The following PTPRD variants were observed in gnomAD, a reference collection of about 807,000 sequenced individuals.
PTPRD encodes the protein receptor-type tyrosine-protein phosphatase delta.
Under a neutral mutation model 214.5 loss-of-function variants are expected in PTPRD, and 34 were observed. That is an observed-to-expected ratio of 0.16 (90% CI 0.12 to 0.21). The LOEUF (loss-of-function observed/expected upper bound fraction) is 0.21, where lower values mean the gene tolerates loss of function less well. Ranked by LOEUF, PTPRD falls within the 10% of genes least tolerant of loss-of-function variation. PTPRD has a pLI of 1.00. For synonymous variants in PTPRD, 1,128 were observed against 845.7 expected (o/e 1.33, Z -5.79); for missense variants, 2,545 against 2,398.7 (o/e 1.06, Z -1.27).
chr9:10,532,406 A>C (rs1590200319), intron 2 of PTPRD: 1 of 151,696 alleles, frequency 6.6e-6, no homozygotes, highest in South Asian at 2.1e-4. Context: ...TTCAAATACA[A>C]AAAATGAACA....
intron 11 of PTPRD, among the ~76,000 whole-genome samples, chr9:8,947,984 G>C (rs555033769): frequency 6.7e-6 from 1 of 149,648 alleles, no homozygotes; most frequent in African/African-American, 2.5e-5. Flanking sequence ...AGTAAGTTAT[G>C]TCCAGACCTT....
At chr9:8,872,236 A>G (rs2154208634) in intron 11 of PTPRD, among the ~76,000 whole-genome samples, 1 of 152,286 alleles carries the variant, frequency 6.6e-6, no homozygotes, top group Non-Finnish European at 1.5e-5. Context: ...AGGTGCCAAC[A>G]AGGAGCCTGT....
At chr9:10,201,069 A>C (rs1296664727) in intron 3 of PTPRD, among the ~76,000 whole-genome samples, 1 of 152,042 alleles carries the variant, frequency 6.6e-6, no homozygotes, top group Non-Finnish European at 1.5e-5. Flanking sequence ...ATAGCCTTGG[A>C]GTTACAAAAT....
chr9:10,356,159 G>A (rs1362632178), intron 2 of PTPRD, among the ~76,000 whole-genome samples: 3 of 149,518 alleles, frequency 2.0e-5, no homozygotes, highest in Admixed American at 6.7e-5. Flanking sequence ...ACCAAGCTCT[G>A]AACTGCCTGG....
intron 26 of PTPRD, 107 bp from the exon 27 acceptor site, chr9:8,493,086 C>T (rs1591921090): frequency 5.6e-6 from 5 of 898,890 alleles, no homozygotes; most frequent in Non-Finnish European, 8.9e-6. Flanking sequence ...ACATCCCTTG[C>T]AGCCATGCTA....
At chr9:8,359,062 T>G (rs1313069335) in intron 39 of PTPRD, among the ~76,000 whole-genome samples, 2 of 119,354 alleles carry the variant, frequency 1.7e-5, no homozygotes, top group Non-Finnish European at 3.2e-5. Context: ...GAGCCGAGAT[T>G]GCACCACTGC....
At chr9:10,310,706 T>C (rs2096245160) in intron 3 of PTPRD, among the ~76,000 whole-genome samples, 1 of 152,118 alleles carries the variant, frequency 6.6e-6, no homozygotes, top group East Asian at 1.9e-4. Context: ...TCTCCTTTTG[T>C]TGATAAGCCT....
At chr9:10,230,158 T>A (rs1564663882) in intron 3 of PTPRD, among the ~76,000 whole-genome samples, 1 of 151,988 alleles carries the variant, frequency 6.6e-6, no homozygotes, top group Non-Finnish European at 1.5e-5. Flanking sequence ...TGCCAGTCAA[T>A]CATCAAAAGA....
At chr9:9,944,985 C>A (rs2092339619) in intron 4 of PTPRD, among the ~76,000 whole-genome samples, 1 of 147,786 alleles carries the variant, frequency 6.8e-6, no homozygotes, top group African/African-American at 2.7e-5. Context: ...TATGACCAGA[C>A]AAGTAGTGGA....
intron 2 of PTPRD, among the ~76,000 whole-genome samples, chr9:10,574,579 T>C (rs1328143226): frequency 6.6e-6 from 1 of 151,920 alleles, no homozygotes; most frequent in Non-Finnish European, 1.5e-5. Flanking sequence ...ATAGGGAAAG[T>C]TTATGATTCA....
intron 10 of PTPRD, among the ~76,000 whole-genome samples, chr9:9,046,389 TA>T (rs2099672226): frequency 6.6e-6 from 1 of 152,198 alleles, no homozygotes; most frequent in Non-Finnish European, 1.5e-5. Context: ...ATTGTTTTTA[TA>T]AAATTTTCTT....
At chr9:10,378,556 T>C (rs2097769530) in intron 2 of PTPRD, among the ~76,000 whole-genome samples, 1 of 151,998 alleles carries the variant, frequency 6.6e-6, no homozygotes, top group African/African-American at 2.4e-5. Flanking sequence ...TTTCCAAGAA[T>C]CATTTATTGA....
intron 11 of PTPRD, among the ~76,000 whole-genome samples, chr9:8,939,107 G>T (rs62529133): frequency 1.3e-5 from 2 of 152,058 alleles, no homozygotes; most frequent in African/African-American, 4.8e-5. Flanking sequence ...TTAGAATACC[G>T]CAAGGTCTTT....
intron 8 of PTPRD, among the ~76,000 whole-genome samples, chr9:9,502,747 A>G (rs926659211): frequency 6.6e-6 from 1 of 151,964 alleles, no homozygotes; most frequent in Non-Finnish European, 1.5e-5. Flanking sequence ...TGTTTATAAA[A>G]AAGGAGCAAA....
chr9:8,441,547 T>C lies in PTPRD; in HGVS notation c.3989-4858A>G, dbSNP rs544081399. Among the ~76,000 whole-genome samples, 183 of 152,068 alleles carry C rather than the reference T, an allele frequency of 1.2e-3. 2 individuals carry two copies. The highest frequency in any genetic ancestry group is 4.1e-3 in the African/African-American group (172 of 41,472). Reference sequence around the variant, plus strand: ...CATACGGCTAACTAGATTATGGCCTTTGTTTTAAAAGAACAAAACCTTCTT... The same window carrying C: ...CATACGGCTAACTAGATTATGGCCTCTGTTTTAAAAGAACAAAACCTTCTT... On this transcript the variant is annotated intron_variant, in intron 34 of 45. Transcript: ENST00000381196.
At chr9:10,339,347 C>G (rs556579185) in intron 3 of PTPRD, among the ~76,000 whole-genome samples, 2 of 151,812 alleles carry the variant, frequency 1.3e-5, no homozygotes, top group South Asian at 2.1e-4. Context: ...GCATAACACA[C>G]CTTCTTCCTG....
chr9:10,212,006 G>A (rs1324582860), intron 3 of PTPRD, among the ~76,000 whole-genome samples: 2 of 152,040 alleles, frequency 1.3e-5, no homozygotes, highest in Non-Finnish European at 2.9e-5. Context: ...ATTGAATGTT[G>A]GATAAAATTT....
intron 9 of PTPRD, among the ~76,000 whole-genome samples, chr9:9,381,690 T>C (rs2062311837): frequency 1.4e-5 from 2 of 138,390 alleles, no homozygotes; most frequent in African/African-American, 5.4e-5. Context: ...TTTTTTGTTG[T>C]TTTGTTTTTT....
At chr9:8,737,247 T>C (rs974108983) in intron 11 of PTPRD, among the ~76,000 whole-genome samples, 1 of 152,180 alleles carries the variant, frequency 6.6e-6, no homozygotes. Flanking sequence ...TACATATTTA[T>C]CCTTAAATGG....
Sources: allele counts gnomAD v4.1 joint callset (sites outside exome capture counted in the v4.1 genomes callset), GRCh38; gene constraint gnomAD v4.1.1; transcripts MANE v1.5; gene names NCBI Gene and HGNC (gene_info 2026-07-23, HGNC 2026-07-21).